Variants in SEMA6D observed in about 807,000 individuals in gnomAD.
SEMA6D encodes semaphorin-6D.
In SEMA6D, 35 loss-of-function variants were observed where a neutral mutation model predicts 106.6. The observed-to-expected ratio is 0.33, with a 90% CI of 0.25 to 0.44. SEMA6D has a LOEUF of 0.44. Among genes scored for constraint, SEMA6D ranks in the 20% least tolerant of loss-of-function variants. SEMA6D has a pLI of 1.00. For missense variants in SEMA6D, 1,185 were observed against 1,345.9 expected (o/e 0.88, Z 1.87); for synonymous variants, 499 against 487.7 (o/e 1.02, Z -0.31).
chr15:47,438,452 C>T (rs142499335), intron 2 of SEMA6D, among the ~76,000 whole-genome samples: 7 of 152,220 alleles, frequency 4.6e-5, no homozygotes, highest in Admixed American at 4.6e-4. Context: ...TAAAAGCCAA[C>T]ATCCGTGTAA....
intron 3 of SEMA6D, among the ~76,000 whole-genome samples, chr15:47,526,972 C>T (rs1764476324): frequency 6.6e-6 from 1 of 152,076 alleles, no homozygotes; most frequent in African/African-American, 2.4e-5. Flanking sequence ...CTCCTGAGCT[C>T]GTGATCTGCC....
At chr15:47,197,075 C>G (rs1373094763) in intron 1 of SEMA6D, among the ~76,000 whole-genome samples, 1 of 152,162 alleles carries the variant, frequency 6.6e-6, no homozygotes, top group Admixed American at 6.5e-5. Flanking sequence ...CTAACCCTCC[C>G]CCTTTCTGTA....
At chr15:47,216,939 A>T (rs2030675138) in intron 1 of SEMA6D, among the ~76,000 whole-genome samples, 1 of 152,162 alleles carries the variant, frequency 6.6e-6, no homozygotes, top group South Asian at 2.1e-4. Context: ...ATTTCTTGAA[A>T]TCCTGACCCG....
intron 4 of SEMA6D, among the ~76,000 whole-genome samples, chr15:47,682,816 A>G (rs1254565109): frequency 6.6e-6 from 1 of 152,084 alleles, no homozygotes; most frequent in Non-Finnish European, 1.5e-5. Context: ...AGTACGTAAA[A>G]CCCTCCTCAC....
intron 1 of SEMA6D, among the ~76,000 whole-genome samples, chr15:47,249,034 C>T (rs1042925780): frequency 1.3e-5 from 2 of 152,114 alleles, no homozygotes; most frequent in African/African-American, 4.8e-5. Flanking sequence ...TAAAGACCAA[C>T]CTGACCAACA....
At chr15:47,559,405 TAA>T (rs1306414384) in intron 3 of SEMA6D, among the ~76,000 whole-genome samples, 1 of 151,992 alleles carries the variant, frequency 6.6e-6, no homozygotes, top group Non-Finnish European at 1.5e-5. Context: ...CAGAAGAATA[TAA>T]GTTTGTGGTT....
chr15:47,568,395 G>A (rs1313102292), intron 3 of SEMA6D, among the ~76,000 whole-genome samples: 1 of 152,108 alleles, frequency 6.6e-6, no homozygotes, highest in Admixed American at 6.5e-5. Flanking sequence ...ATGCAGTACT[G>A]TTAAATATTA....
At chr15:47,708,765 C>G (rs2078961258) in intron 4 of SEMA6D, among the ~76,000 whole-genome samples, 1 of 152,158 alleles carries the variant, frequency 6.6e-6, no homozygotes, top group South Asian at 2.1e-4. Flanking sequence ...ATAAGGAAGT[C>G]CAAAGGGCAG....
rs951371395 is a variant in SEMA6D, at chr15:47,319,204, T to G, written c.-238-93189T>G. ...CTCTGCTTACATTGATTGTAAGTTCTTGAATGTTGTCTACTTTATTCATTG... is the reference window on the plus strand; with the variant it reads ...CTCTGCTTACATTGATTGTAAGTTCGTGAATGTTGTCTACTTTATTCATTG... On this transcript the variant is annotated intron_variant, in intron 1 of 19. Transcript: ENST00000558014. Among the ~76,000 whole-genome samples the G allele has an allele frequency of 2.6e-5, 4 of 152,252 alleles. 1 individual carries two copies. Among genetic ancestry groups the G allele is most frequent in the Admixed American group, 1.3e-4 (2 of 15,290 alleles).
At chr15:47,466,554 TCTC>T (rs1206873037) in intron 2 of SEMA6D, among the ~76,000 whole-genome samples, 1 of 152,170 alleles carries the variant, frequency 6.6e-6, no homozygotes, top group Non-Finnish European at 1.5e-5. Flanking sequence ...TATCCAGTCA[TCTC>T]CTGGTGAACA....
At chr15:47,380,255 C>T (rs1308080668) in intron 1 of SEMA6D, among the ~76,000 whole-genome samples, 1 of 152,152 alleles carries the variant, frequency 6.6e-6, no homozygotes, top group Non-Finnish European at 1.5e-5. Flanking sequence ...CAACATAATG[C>T]CAGAATGTTT....
At chr15:47,195,063 A>G (rs911067660) in intron 1 of SEMA6D, among the ~76,000 whole-genome samples, 6 of 152,212 alleles carry the variant, frequency 3.9e-5, no homozygotes, top group Non-Finnish European at 7.3e-5. Context: ...CCAGATGCCT[A>G]TTTCTCCTCC....
At chr15:47,397,927 A>AT (rs2145929643) in intron 1 of SEMA6D, 1 of 152,326 alleles carries the variant, frequency 6.6e-6, no homozygotes, top group East Asian at 1.9e-4. Flanking sequence ...CAAAAATAGA[A>AT]TAACAGTATC....
intron 1 of SEMA6D, among the ~76,000 whole-genome samples, chr15:47,194,682 A>G (rs1402740202): frequency 6.6e-6 from 1 of 152,168 alleles, no homozygotes; most frequent in African/African-American, 2.4e-5. Flanking sequence ...ATGTCATGAC[A>G]TAAAAACAAA....
intron 3 of SEMA6D, among the ~76,000 whole-genome samples, chr15:47,474,389 A>G (rs896501377): frequency 6.6e-6 from 1 of 152,144 alleles, no homozygotes; most frequent in East Asian, 1.9e-4. Flanking sequence ...TTTTTTTTCT[A>G]TTATACCATG....
chr15:47,299,330 A>C (rs1271230330), intron 1 of SEMA6D, among the ~76,000 whole-genome samples: 1 of 152,140 alleles, frequency 6.6e-6, no homozygotes, highest in Non-Finnish European at 1.5e-5. Context: ...TCATTTAGGA[A>C]CCTCCGACCT....
intron 3 of SEMA6D, among the ~76,000 whole-genome samples, chr15:47,550,839 C>T (rs917681154): frequency 6.6e-6 from 1 of 152,166 alleles, no homozygotes; most frequent in African/African-American, 2.4e-5. Context: ...GAGCTCACAA[C>T]TTGTGATTAC....
At chr15:47,290,629 TACACAC>T (rs5812371) in intron 1 of SEMA6D, among the ~76,000 whole-genome samples, 1 of 150,782 alleles carries the variant, frequency 6.6e-6, no homozygotes, top group Non-Finnish European at 1.5e-5. Flanking sequence ...TATATATATA[TACACAC>T]ACACACACAT....
chr15:47,267,776 A>C (rs2034389190), intron 1 of SEMA6D, among the ~76,000 whole-genome samples: 1 of 151,998 alleles, frequency 6.6e-6, no homozygotes, highest in Admixed American at 6.6e-5. Flanking sequence ...AATTCTTATT[A>C]AGTTCTAGAG....
Sources: gnomAD v4.1 joint callset for allele counts (sites outside exome capture counted in the v4.1 genomes callset) on GRCh38, gnomAD v4.1.1 for gene constraint, MANE v1.5 for transcripts, NCBI Gene and HGNC (gene_info 2026-07-23, HGNC 2026-07-21) for gene names.